BLTP1: variants seen among roughly 807,000 people sequenced by gnomAD.
BLTP1 encodes the protein bridge-like lipid transfer protein family member 1.
the BLTP1 span, chr4:122,336,092 T>G: frequency 1.2e-6 from 1 of 867,550 alleles, no homozygotes; most frequent in Non-Finnish European, 1.7e-6. Context: ...AGGCCTTAAA[T>G]GTGAGGTACT....
the BLTP1 span, among the ~76,000 whole-genome samples, chr4:122,180,698 A>T: frequency 6.6e-6 from 1 of 152,268 alleles, no homozygotes. Context: ...TACGTATTTA[A>T]TTATGTAATT....
At chr4:122,181,588 A>G in the BLTP1 span, among the ~76,000 whole-genome samples, 1 of 151,984 alleles carries the variant, frequency 6.6e-6, no homozygotes, top group Non-Finnish European at 1.5e-5. Context: ...TATATTATAT[A>G]TAATGATTGT....
At chr4:122,282,948 A>G in the BLTP1 span, among the ~76,000 whole-genome samples, 14 of 151,958 alleles carry the variant, frequency 9.2e-5, no homozygotes, top group African/African-American at 3.1e-4. Flanking sequence ...AATTCTTCAT[A>G]AATTCTGTAT....
chr4:122,264,100 C>T, the BLTP1 span: 8 of 1,219,364 alleles, frequency 6.6e-6, no homozygotes, highest in East Asian at 1.2e-4. Context: ...GTAAAATAAC[C>T]TAAAAGTATG....
At chr4:122,246,192 A>C in the BLTP1 span, 1 of 1,599,154 alleles carries the variant, frequency 6.3e-7, no homozygotes, top group Non-Finnish European at 8.5e-7. Context: ...AAAACTGAGC[A>C]GTCTACAATA....
At chr4:122,228,262 C>A in the BLTP1 span, among the ~76,000 whole-genome samples, 3 of 152,100 alleles carry the variant, frequency 2.0e-5, no homozygotes, top group South Asian at 6.2e-4. Flanking sequence ...ACATAATTTA[C>A]AGTAAATTCA....
At chr4:122,291,811 A>G in the BLTP1 span, 12 of 979,782 alleles carry the variant, frequency 1.2e-5, no homozygotes, top group Non-Finnish European at 1.2e-6. Context: ...TTATGGTTCC[A>G]TAAGCTAAAA....
At chr4:122,346,551 G>A in the BLTP1 span, 2 of 1,558,900 alleles carry the variant, frequency 1.3e-6, no homozygotes, top group African/African-American at 2.7e-5. Flanking sequence ...TAATAACCCT[G>A]TCTTATACCT....
At chr4:122,154,302 A>G in the BLTP1 span, 2 of 980,912 alleles carry the variant, frequency 2.0e-6, no homozygotes, top group Non-Finnish European at 1.2e-6. Flanking sequence ...CAGCCTCCCA[A>G]GTAGCTGGGT....
the BLTP1 span, chr4:122,246,668 T>G: frequency 1.0e-5 from 16 of 1,600,024 alleles, no homozygotes; most frequent in African/African-American, 4.0e-5. Flanking sequence ...TTCTGAAATT[T>G]TGTGTGTGTG....
At chr4:122,169,637 A>G in the BLTP1 span, 1 of 963,058 alleles carries the variant, frequency 1.0e-6, no homozygotes, top group Non-Finnish European at 1.2e-6. Context: ...GTACATCTCA[A>G]TATTCATATT....
chr4:122,251,433 G>A, the BLTP1 span: 10 of 900,880 alleles, frequency 1.1e-5, no homozygotes, highest in African/African-American at 3.6e-5. Flanking sequence ...GATTCCTAGG[G>A]ATTTATTTTT....
At chr4:122,226,498 G>C in the BLTP1 span, 2 of 1,330,522 alleles carry the variant, frequency 1.5e-6, no homozygotes, top group African/African-American at 3.1e-5. Context: ...AGTGCATTTT[G>C]TCATTCATAA....
At chr4:122,196,307 C>T in the BLTP1 span, among the ~76,000 whole-genome samples, 6 of 152,060 alleles carry the variant, frequency 3.9e-5, no homozygotes, top group Admixed American at 1.3e-4. Context: ...GTAACTTGTC[C>T]AGGTTGGAAT....
chr4:122,320,732 G>T, the BLTP1 span, among the ~76,000 whole-genome samples: 1 of 151,998 alleles, frequency 6.6e-6, no homozygotes, highest in Admixed American at 6.6e-5. Flanking sequence ...CACATTGTCA[G>T]ATCTTTTTTA....
chr4:122,345,839 G>A, the BLTP1 span: 1 of 157,712 alleles, frequency 6.3e-6, no homozygotes, highest in Non-Finnish European at 1.4e-5. Flanking sequence ...TGAGGAGTGG[G>A]TTCAAGAGAG....
At chr4:122,304,368 T>G in the BLTP1 span, among the ~76,000 whole-genome samples, 1 of 152,036 alleles carries the variant, frequency 6.6e-6, no homozygotes, top group East Asian at 1.9e-4. Flanking sequence ...CACACCACCA[T>G]GCCCATCTAA....
At chr4:122,233,704 C>T in the BLTP1 span, among the ~76,000 whole-genome samples, 1 of 152,182 alleles carries the variant, frequency 6.6e-6, no homozygotes, top group Admixed American at 6.5e-5. Context: ...TAAGTTGTTT[C>T]ACCTTATCTT....
the BLTP1 span, chr4:122,178,127 CAT>C: frequency 3.6e-6 from 3 of 844,940 alleles, no homozygotes; most frequent in South Asian, 1.1e-4. Flanking sequence ...GAAAATCTAA[CAT>C]GTGGAGGCAT....
Sources: gnomAD v4.1 joint callset for allele counts (sites outside exome capture counted in the v4.1 genomes callset) on GRCh38, gnomAD v4.1.1 for gene constraint, MANE v1.5 for transcripts, NCBI Gene and HGNC (gene_info 2026-07-23, HGNC 2026-07-21) for gene names.